Variants in CLDN15 observed in about 807,000 individuals in gnomAD.
CLDN15 encodes claudin 15, also known as claudin-15.
Under a neutral mutation model 24.5 loss-of-function variants are expected in CLDN15, and 9 were observed. That is an observed-to-expected ratio of 0.37 (90% CI 0.22 to 0.64). CLDN15 has a LOEUF of 0.64. Ranked by LOEUF, CLDN15 falls within the 30% of genes least tolerant of loss-of-function variation. The pLI is 0.63. For synonymous variants in CLDN15, 149 were observed against 131.4 expected (o/e 1.13, Z -0.92); for missense variants, 248 against 305.9 (o/e 0.81, Z 1.41).
In CLDN15 at chr7:101,234,378, C is replaced by T. The variant is rs750811957; in HGVS notation, c.282G>A (p.Leu94=). Residue 94 remains leucine, a synonymous_variant, in exon 2 of 5, where the codon TTG becomes TTA. Transcript: ENST00000308344. ...TAILLGFLGL[L]LGIAGLRCTN... ...TGCAGCGCAGGCCCGCTATGCCTAG[C>T]AAGAGGCCGAGGAAGCCCAGGAGGA... The T allele has an allele frequency of 2.5e-6, 4 of 1,613,096 alleles. No individual in the cohort carries two copies. In the East Asian group the frequency reaches 6.7e-5, roughly 27 times the overall value.
At position 101,233,955 on chromosome 7, in the gene CLDN15, G is replaced by A. The variant is rs1168303767; in HGVS notation, c.382+323C>T. On this transcript the variant is annotated intron_variant, in intron 2 of 4. Transcript: ENST00000308344. Reference sequence around the variant, plus strand: ...CACTGTGGACGTGCACTGTGTGTGTGCGCCATAGCGTGCACCCTAACTCTG... The same window carrying A: ...CACTGTGGACGTGCACTGTGTGTGTACGCCATAGCGTGCACCCTAACTCTG... 6.1e-6 allele frequency: 3 copies of A among 495,022 alleles called. No homozygotes were observed. The East Asian group carries it at 1.4e-4, about 23-fold the overall frequency. The allele number at this position is 495,022 out of a possible 1,614,324, so 30.7% of individuals were successfully genotyped here.
chr7:101,237,604 G>T lies in CLDN15; in HGVS notation c.-23C>A. On this transcript the variant is annotated 5_prime_UTR_variant, in exon 1 of 5. Transcript: ENST00000308344. This position sits in a 1 kb window ranked among gnomAD's most constrained non-coding sequence, Gnocchi z 4.0. ...CATGGTGGGATGCAGGACCCTGGGGGGCTGGTGCCCCAGAGAGGGGGAGGG... is the reference window on the plus strand; with the variant it reads ...CATGGTGGGATGCAGGACCCTGGGGTGCTGGTGCCCCAGAGAGGGGGAGGG... The T allele has an allele frequency of 6.3e-7, 1 of 1,577,282 alleles. No homozygotes were observed. Among genetic ancestry groups the T allele is most frequent in the Non-Finnish European group, 8.7e-7 (1 of 1,147,060 alleles).
chr7:101,237,457 T>C lies in CLDN15; in HGVS notation c.125A>G (p.Asn42Ser), dbSNP rs769154207. The change falls in exon 1 of 5, where the codon AAC (asparagine) becomes AGC (serine). Residue 42 changes from asparagine to serine, a missense_variant. Coordinates refer to ENST00000308344, the MANE Select transcript of CLDN15 (RefSeq NM_014343.3). The surrounding 1 kb of genome is among the most constrained non-coding windows in gnomAD (Gnocchi z 4.0). ...AAACCAGAGGTTCTCGAAGATGGTG[T>C]TGGTGGTGATGACGTTCCCGTGCAC... The part of the protein sequence containing the change: ...STVHGNVITT[N>S]TIFENLWFSC... 1.9e-6 allele frequency: 3 copies of C among 1,613,860 alleles called. No individual in the cohort carries two copies. The highest frequency in any genetic ancestry group is 1.1e-5 in the South Asian group (1 of 91,064).
intron 1 of CLDN15, among the ~76,000 whole-genome samples, chr7:101,235,857 T>C (rs1223264585): frequency 1.3e-5 from 2 of 152,072 alleles, no homozygotes; most frequent in African/African-American, 4.8e-5. Flanking sequence ...GGGTGCACGG[T>C]TGGGAGACGC....
intron 1 of CLDN15, among the ~76,000 whole-genome samples, chr7:101,235,443 G>C (rs1294131747): frequency 6.6e-6 from 1 of 152,152 alleles, no homozygotes; most frequent in African/African-American, 2.4e-5. Flanking sequence ...TTCTGACCTA[G>C]GTGGAATCCT....
intron 1 of CLDN15, among the ~76,000 whole-genome samples, chr7:101,236,470 C>G (rs775812210): frequency 7.2e-5 from 11 of 152,212 alleles, no homozygotes; most frequent in Non-Finnish European, 1.5e-4. Flanking sequence ...GGCTCCTTCC[C>G]TGCCACACGG....
rs1240719153 is a variant in CLDN15 at position 101,232,592 on chromosome 7, C to T, written c.581+12G>A. ...TCCCGCCCGGCCCCAGCCTGCGCCTCACCCTGCTCACCTGGCGGCTGGGTC... is the reference window on the plus strand; with the variant it reads ...TCCCGCCCGGCCCCAGCCTGCGCCTTACCCTGCTCACCTGGCGGCTGGGTC... On this transcript the variant is annotated intron_variant, in intron 4 of 4. Coordinates refer to ENST00000308344, the MANE Select transcript of CLDN15 (RefSeq NM_014343.3). 2 of 1,594,032 alleles carry T rather than the reference C, an allele frequency of 1.3e-6. No homozygotes were observed. Among genetic ancestry groups the T allele is most frequent in the Admixed American group, 1.8e-5 (1 of 56,560 alleles).
chr7:101,232,747 G>T, intron 3 of CLDN15, 27 bp from the exon 4 acceptor site: 1 of 1,586,874 alleles, frequency 6.3e-7, no homozygotes, highest in Non-Finnish European at 8.6e-7. Context: ...CGCGGGGGCG[G>T]GGGACAAGTG....
chr7:101,236,578 A>G (rs1798629409), intron 1 of CLDN15, among the ~76,000 whole-genome samples: 1 of 152,224 alleles, frequency 6.6e-6, no homozygotes, highest in Non-Finnish European at 1.5e-5. Context: ...GGCATAGGGC[A>G]GACGGAAGGG....
chr7:101,236,769 C>A, intron 1 of CLDN15: 1 of 1,291,340 alleles, frequency 7.7e-7, no homozygotes, highest in South Asian at 1.2e-5. Context: ...CGCCTCCTTA[C>A]AGCGGACGCT....
At chr7:101,233,251 G>A (rs1035969608) in intron 2 of CLDN15, among the ~76,000 whole-genome samples, 10 of 151,882 alleles carry the variant, frequency 6.6e-5, no homozygotes, top group African/African-American at 2.2e-4. Flanking sequence ...CACCCAGATG[G>A]AGCCCCATCC....
intron 3 of CLDN15, 45 bp downstream of exon 3, chr7:101,232,788 C>T (rs1160647034): frequency 6.3e-7 from 1 of 1,582,308 alleles, no homozygotes; most frequent in Non-Finnish European, 8.7e-7. Flanking sequence ...GGCTGAGTCC[C>T]ACCCGCTGCC....
upstream of CLDN15, chr7:101,238,287 A>T (rs538354910): frequency 6.5e-6 from 1 of 153,282 alleles, no homozygotes; most frequent in Non-Finnish European, 1.5e-5. Flanking sequence ...CCTGGAATGG[A>T]ACTCGGCCCC....
chr7:101,233,894 G>C, intron 2 of CLDN15: 1 of 364,112 alleles, frequency 2.7e-6, no homozygotes, highest in South Asian at 2.1e-5. Context: ...AAAGTGCTGG[G>C]ATTACAGGCA....
At chr7:101,232,774 G>C (rs867586682) in intron 3 of CLDN15, 54 bp from the exon 4 acceptor site, 165 of 1,575,216 alleles carry the variant, frequency 1.0e-4, no homozygotes, top group Non-Finnish European at 1.4e-4. Context: ...CAGCCGGGGG[G>C]CAGGGCTGAG....
chr7:101,232,745 C>G (rs774200578), intron 3 of CLDN15, 25 bp from the exon 4 acceptor site: 1 of 1,585,926 alleles, frequency 6.3e-7, no homozygotes. Context: ...GGCGCGGGGG[C>G]GGGGGACAAG....
intron 4 of CLDN15, 28 bp from the exon 5 acceptor site, chr7:101,232,543 G>A: frequency 1.2e-6 from 2 of 1,600,196 alleles, no homozygotes; most frequent in Non-Finnish European, 1.7e-6. Context: ...GGTCAGAGCG[G>A]GGGCGCGGCC....
At chr7:101,238,275 A>C (rs1450468027), upstream of CLDN15, 2 of 153,654 alleles carry the variant, frequency 1.3e-5, no homozygotes, top group Non-Finnish European at 2.9e-5. Context: ...GGCTCCATCC[A>C]GCCTGGAATG....
chr7:101,237,611 GC>G lies in CLDN15; in HGVS notation c.-31del, dbSNP rs753285279. The G allele has an allele frequency of 1.3e-6, 2 of 1,540,844 alleles. No homozygotes were observed. The highest frequency in any genetic ancestry group is 2.2e-5 in the South Asian group (2 of 89,298). ...GGATGCAGGACCCTGGGGGGCTGGT[GC>G]CCCAGAGAGGGGGAGGGGCAGAACC... On this transcript the variant is annotated 5_prime_UTR_variant, in exon 1 of 5. Transcript: ENST00000308344. This position sits in a 1 kb window ranked among gnomAD's most constrained non-coding sequence, Gnocchi z 4.0.
Sources: allele counts gnomAD v4.1 joint callset (sites outside exome capture counted in the v4.1 genomes callset), GRCh38; gene constraint gnomAD v4.1.1; non-coding constraint Gnocchi (gnomAD v3.1); transcripts MANE v1.5; gene names NCBI Gene and HGNC (gene_info 2026-07-23, HGNC 2026-07-21).